MYRFL: variants seen among roughly 807,000 people sequenced by gnomAD.
MYRFL encodes the protein myelin regulatory factor-like protein.
Under a neutral mutation model 109.4 loss-of-function variants are expected in MYRFL, and 88 were observed. The ratio of observed to expected loss-of-function variants is 0.80; its 90% CI spans 0.68 to 0.96. The LOEUF is 0.96. Ranked by LOEUF, MYRFL falls within the 40% of genes least tolerant of loss-of-function variation. The probability of loss-of-function intolerance (pLI) is 0.00; values close to 1 mark genes in which losing one functional copy is unlikely to be tolerated. For synonymous variants in MYRFL, 324 were observed against 320.9 expected, an observed-to-expected ratio of 1.01 and a Z score of -0.10; for missense variants, 957 against 954.9, an observed-to-expected ratio of 1.00 and a Z score of -0.03.
intron 19 of MYRFL, among the ~76,000 whole-genome samples, chr12:69,947,819 A>G (rs1955878936): frequency 6.6e-6 from 1 of 152,146 alleles, no homozygotes; most frequent in South Asian, 2.1e-4. Context: ...AGTCTGGTTC[A>G]GTGAAGGGAA....
At chr12:69,891,622 TCCTCC>T (rs1743123899) in intron 7 of MYRFL, among the ~76,000 whole-genome samples, 6 of 84,632 alleles carry the variant, frequency 7.1e-5, no homozygotes, top group African/African-American at 2.7e-4. Context: ...TTTCTTTCTT[TCCTCC>T]TTCCTTTCTT....
chr12:69,840,997 A>ACT (rs1883211842), intron 1 of MYRFL, among the ~76,000 whole-genome samples: 1 of 152,230 alleles, frequency 6.6e-6, no homozygotes, highest in Admixed American at 6.5e-5. Context: ...AGCCAGAGAC[A>ACT]GTCTTTTAAT....
At chr12:69,882,332 C>A (rs1453869208) in intron 5 of MYRFL, among the ~76,000 whole-genome samples, 1 of 152,126 alleles carries the variant, frequency 6.6e-6, no homozygotes, top group East Asian at 1.9e-4. Context: ...AAAAAAGACA[C>A]AAAACAAAAC....
rs10879039 is a variant in MYRFL at position 69,897,141 on chromosome 12, C to T, written c.1092-15C>T. Reference sequence around the variant, plus strand: ...TTCCTGATGCATTGGCATTGGTCTGCTGTCTCTGAATTAGATACTTCATGT... The same window carrying T: ...TTCCTGATGCATTGGCATTGGTCTGTTGTCTCTGAATTAGATACTTCATGT... On this transcript the variant is annotated splice_polypyrimidine_tract_variant and intron_variant, in intron 9 of 24. Coordinates refer to ENST00000552032, the MANE Select transcript of MYRFL (RefSeq NM_182530.3). The T allele has an allele frequency of 0.25, 387,174 of 1,520,874 alleles. 51,912 individuals are homozygous for T. The highest frequency in any genetic ancestry group is 0.28 in the Non-Finnish European group (313,684 of 1,133,256). The allele number at this position is 1,520,874 out of a possible 1,614,324, so 94.2% of individuals were successfully genotyped here. A position where few individuals can be genotyped will look rare whatever the true frequency, so the allele number is the denominator to read the frequency against.
rs576164486 is a variant in MYRFL, at chr12:69,929,809, A to T, written c.1830+2061A>T. Reference sequence around the variant, plus strand: ...TGAAACTTAGCCTTCCCCGTGTCTCATTTTCCCTATTTTTAAAATGGGATT... The same window carrying T: ...TGAAACTTAGCCTTCCCCGTGTCTCTTTTTCCCTATTTTTAAAATGGGATT... On this transcript the variant is annotated intron_variant, in intron 15 of 24. Coordinates refer to ENST00000552032, the MANE Select transcript of MYRFL (RefSeq NM_182530.3). Among the ~76,000 whole-genome samples the T allele has an allele frequency of 2.6e-5, 4 of 152,222 alleles. No individual in the cohort carries two copies. In the East Asian group the frequency reaches 7.7e-4, roughly 29 times the overall value.
chr12:69,831,281 G>T (rs138062138), intron 1 of MYRFL, among the ~76,000 whole-genome samples: 34 of 152,186 alleles, frequency 2.2e-4, no homozygotes, highest in Admixed American at 2.0e-3. Flanking sequence ...TTTACATATT[G>T]TCTGTGGCTG....
At chr12:69,919,905 C>A (rs2120422760) in intron 13 of MYRFL, among the ~76,000 whole-genome samples, 1 of 152,308 alleles carries the variant, frequency 6.6e-6, no homozygotes, top group Middle Eastern at 3.4e-3. Flanking sequence ...ATTTCAACTT[C>A]TTGAAGCTTG....
chr12:69,954,900 T>C (rs911128054), intron 21 of MYRFL, among the ~76,000 whole-genome samples: 1 of 152,206 alleles, frequency 6.6e-6, no homozygotes, highest in Non-Finnish European at 1.5e-5. Flanking sequence ...CAGATTCAGA[T>C]TCTAAAAGTA....
intron 1 of MYRFL, among the ~76,000 whole-genome samples, chr12:69,849,588 A>G (rs2136319895): frequency 6.6e-6 from 1 of 152,346 alleles, no homozygotes; most frequent in South Asian, 2.1e-4. Flanking sequence ...TAAAGTTTTA[A>G]CAGCATGATC....
intron 5 of MYRFL, among the ~76,000 whole-genome samples, chr12:69,881,904 A>G (rs1258314507): frequency 1.3e-5 from 2 of 152,176 alleles, no homozygotes; most frequent in African/African-American, 4.8e-5. Context: ...ATTCTCAGAC[A>G]TAAAAGGCTG....
intron 2 of MYRFL, among the ~76,000 whole-genome samples, chr12:69,868,074 T>C (rs186200577): frequency 1.9e-4 from 29 of 152,230 alleles, no homozygotes; most frequent in Admixed American, 5.9e-4. Flanking sequence ...GAGTGAATTA[T>C]TTAACCCCAT....
chr12:69,905,431 A>G (rs1369459551), intron 11 of MYRFL, among the ~76,000 whole-genome samples: 1 of 152,232 alleles, frequency 6.6e-6, no homozygotes, highest in Non-Finnish European at 1.5e-5. Context: ...CAGGCTCTAA[A>G]TGTGAAATTT....
At chr12:69,852,164 A>G (rs932521870) in intron 1 of MYRFL, among the ~76,000 whole-genome samples, 1 of 152,210 alleles carries the variant, frequency 6.6e-6, no homozygotes, top group Non-Finnish European at 1.5e-5. Context: ...GCAGGAGACT[A>G]TCTTTATAAG....
intron 13 of MYRFL, among the ~76,000 whole-genome samples, chr12:69,911,965 C>G (rs1954585479): frequency 6.6e-6 from 1 of 152,212 alleles, no homozygotes; most frequent in Non-Finnish European, 1.5e-5. Flanking sequence ...TCCAACCAGC[C>G]TCCTGGTAAT....
intron 1 of MYRFL, among the ~76,000 whole-genome samples, chr12:69,853,709 G>C (rs1240940047): frequency 6.7e-6 from 1 of 150,234 alleles, no homozygotes; most frequent in Non-Finnish European, 1.5e-5. Flanking sequence ...TTCCCAGACG[G>C]GGAGGCAGCC....
At chr12:69,845,596 A>C (rs949594067) in intron 1 of MYRFL, among the ~76,000 whole-genome samples, 1 of 152,192 alleles carries the variant, frequency 6.6e-6, no homozygotes, top group African/African-American at 2.4e-5. Flanking sequence ...AAAGCCTCCA[A>C]ATTCTTTTTA....
At chr12:69,948,998 T>A (rs10784812) in intron 19 of MYRFL, among the ~76,000 whole-genome samples, 1 of 151,994 alleles carries the variant, frequency 6.6e-6, no homozygotes, top group Non-Finnish European at 1.5e-5. Context: ...CCTTCCATCC[T>A]TTCACCCATA....
At chr12:69,874,586 T>A (rs1407757066) in intron 2 of MYRFL, among the ~76,000 whole-genome samples, 3 of 152,228 alleles carry the variant, frequency 2.0e-5, no homozygotes, top group African/African-American at 7.2e-5. Context: ...CTAGAACCAT[T>A]TCCCTTTAGC....
At chr12:69,957,742 C>G (rs1008059301) in intron 22 of MYRFL, 80 bp from the exon 23 acceptor site, 6 of 1,431,794 alleles carry the variant, frequency 4.2e-6, no homozygotes, top group Non-Finnish European at 3.7e-6. Context: ...CCCATTAGAT[C>G]CTCCTCTTAT....
Sources: gnomAD v4.1 joint callset for allele counts (sites outside exome capture counted in the v4.1 genomes callset) on GRCh38, gnomAD v4.1.1 for gene constraint, MANE v1.5 for transcripts, NCBI Gene and HGNC (gene_info 2026-07-23, HGNC 2026-07-21) for gene names.